The following MFGE8 variants were observed in gnomAD, a reference collection of about 807,000 sequenced individuals.
The protein encoded by MFGE8 is milk fat globule EGF and factor V/VIII domain containing.
A neutral mutation model predicts 42.6 loss-of-function variants in MFGE8; 34 were observed. That is an observed-to-expected ratio of 0.80 (90% CI 0.61 to 1.06). MFGE8 has a LOEUF of 1.06. Ranked by LOEUF, MFGE8 falls within the 50% of genes least tolerant of loss-of-function variation. The pLI is 0.00. For missense variants in MFGE8, 510 were observed against 516.9 expected (o/e 0.99, Z 0.13); for synonymous variants, 230 against 214.8 (o/e 1.07, Z -0.62).
At chr15:88,912,795 C>G in intron 1 of MFGE8, 1 of 985,416 alleles carries the variant, frequency 1.0e-6, no homozygotes. Context: ...GCGCAAAAAT[C>G]CAATGAACTG....
chr15:88,899,842 C>T lies in MFGE8; in HGVS notation c.871-31G>A, dbSNP rs1192747894. On this transcript the variant is annotated intron_variant, in intron 6 of 7. Coordinates refer to ENST00000268150, the MANE Select transcript of MFGE8 (RefSeq NM_005928.4). The surrounding 1 kb of genome is among the most constrained non-coding windows in gnomAD (Gnocchi z 6.8). ...GAAGAAACCAACCACATTTTCTCTG[C>T]TTGGACCATCTCCAGTAAGGTGAAA... The T allele has an allele frequency of 6.2e-7, 1 of 1,613,516 alleles. No homozygotes were observed. Among genetic ancestry groups the T allele is most frequent in the Non-Finnish European group, 8.5e-7 (1 of 1,179,590 alleles).
At chr15:88,910,916 TAAAAAAC>T (rs1898927106) in intron 1 of MFGE8, 2 of 151,812 alleles carry the variant, frequency 1.3e-5, no homozygotes, top group African/African-American at 2.4e-5. Flanking sequence ...AAAAATAAAA[TAAAAAAC>T]AAGAAACAAG....
Position 88,903,006 on chromosome 15 carries a change from A to AT in MFGE8, c.686-1272_686-1271insA, listed in dbSNP as rs1898503873. ...TGTGTTGACAATGCCTGCTGATGGT[A>AT]CCATCATCTCCTGATGGTGATGCAC... On this transcript the variant is annotated intron_variant, in intron 5 of 7. Coordinates refer to ENST00000268150, the MANE Select transcript of MFGE8 (RefSeq NM_005928.4). The surrounding 1 kb of genome is among the most constrained non-coding windows in gnomAD (Gnocchi z 4.9). The AT allele has an allele frequency of 6.6e-6, 1 of 152,216 alleles. No homozygotes were observed. Among genetic ancestry groups the AT allele is most frequent in the Non-Finnish European group, 1.5e-5 (1 of 68,064 alleles). 9.4% of individuals were successfully genotyped at this position (152,216 alleles called of 1,614,324 possible). A position where few individuals can be genotyped will look rare whatever the true frequency, so the allele number is the denominator to read the frequency against.
At position 88,909,928 on chromosome 15, in the gene MFGE8, G is replaced by T; in HGVS notation, c.74-5C>A. On this transcript the variant is annotated splice_region_variant and splice_polypyrimidine_tract_variant and intron_variant, in intron 1 of 7. Coordinates refer to ENST00000268150, the MANE Select transcript of MFGE8 (RefSeq NM_005928.4). ...AGGGGTTTTTGGAACAGATATCTGG[G>T]GACAGAGACAGGTAAGATGAGCAGA... The T allele has an allele frequency of 2.5e-6, 4 of 1,613,980 alleles. No individual in the cohort carries two copies. Among genetic ancestry groups the T allele is most frequent in the Non-Finnish European group, 3.4e-6 (4 of 1,179,936 alleles).
At chr15:88,910,536 A>ATTTTTT in intron 1 of MFGE8, 1 of 168,844 alleles carries the variant, frequency 5.9e-6, no homozygotes, top group Admixed American at 5.6e-5. Flanking sequence ...AGCCAAGGGG[A>ATTTTTT]AAGAGGCCAG....
rs772188553 is a variant in MFGE8, at chr15:88,901,576, C to T, written c.845G>A (p.Ser282Asn). Residue 282 changes from serine to asparagine, a missense_variant, in exon 6 of 8, where the codon AGC becomes AAC. By Grantham distance (46) the Ser-to-Asn change is conservative (BLOSUM62 1). Transcript: ENST00000268150. ...QGNFNAWVAG[S>N]YGNDQWLQVD... ...CTGCAGCCACTGATCGTTACCGTAG[C>T]TCCCCGCAACCCAGGCGTTGAAGTT... The T allele has an allele frequency of 1.9e-6, 3 of 1,595,550 alleles. No homozygotes were observed. The highest frequency in any genetic ancestry group is 2.7e-5 in the African/African-American group (2 of 74,306).
chr15:88,912,953 G>C (rs1291276773), intron 1 of MFGE8: 2 of 985,334 alleles, frequency 2.0e-6, no homozygotes, highest in African/African-American at 3.5e-5. Flanking sequence ...AGGGAAAAGA[G>C]AGGCCCGACA....
At chr15:88,900,188 G>A (rs1310208857) in intron 6 of MFGE8, among the ~76,000 whole-genome samples, 1 of 150,978 alleles carries the variant, frequency 6.6e-6, no homozygotes, top group Non-Finnish European at 1.5e-5. Flanking sequence ...GTTGCGGTGA[G>A]CCGAGATGGC....
At chr15:88,909,660 A>T in intron 2 of MFGE8, 132 bp downstream of exon 2, 3 of 1,295,268 alleles carry the variant, frequency 2.3e-6, no homozygotes, top group Non-Finnish European at 3.3e-6. Context: ...GTCTCCCCAG[A>T]GGAGGCCTTG....
In MFGE8 at chr15:88,909,926, G is replaced by T. The variant is rs764767929; in HGVS notation, c.74-3C>A. 3.7e-6 allele frequency: 6 copies of T among 1,613,966 alleles called. No individual in the cohort carries two copies. Among genetic ancestry groups the T allele is most frequent in the Non-Finnish European group, 4.2e-6 (5 of 1,179,916 alleles). On this transcript the variant is annotated splice_region_variant and splice_polypyrimidine_tract_variant and intron_variant, in intron 1 of 7. Transcript: ENST00000268150. ...GCAGGGGTTTTTGGAACAGATATCT[G>T]GGGACAGAGACAGGTAAGATGAGCA...
Position 88,901,716 on chromosome 15 carries a change from G to GC in MFGE8, c.704dup (p.Leu236ProfsTer4), listed in dbSNP as rs749595727. 3 of 1,613,916 alleles carry GC rather than the reference G, an allele frequency of 1.9e-6. No individual in the cohort carries two copies. The South Asian group carries it at 3.3e-5, about 18-fold the overall frequency. On this transcript the variant is annotated frameshift_variant, in exon 6 of 8. Transcript: ENST00000268150. LOFTEE classifies it high-confidence loss of function. ...TGTCAGGGATGCTGTTATTCTTCAGGCCCAGGGGATTGGCGCATCCTGCCA... is the reference window on the plus strand; with the variant it reads ...TGTCAGGGATGCTGTTATTCTTCAGGCCCCAGGGGATTGGCGCATCCTGCCA...
chr15:88,913,182 C>A, intron 1 of MFGE8, 65 bp downstream of exon 1: 1 of 1,472,328 alleles, frequency 6.8e-7, no homozygotes, highest in Non-Finnish European at 8.9e-7. Flanking sequence ...GGGCGGGCGC[C>A]GGGCAAACTT....
At chr15:88,912,526 C>A (rs552767766) in intron 1 of MFGE8, 14 of 985,272 alleles carry the variant, frequency 1.4e-5, no homozygotes, top group Middle Eastern at 5.2e-4. Context: ...GTGAATGGCA[C>A]GGGGCATCCG....
rs1455164963 is a variant in MFGE8 at position 88,899,469 on chromosome 15, C to G, written c.1090G>C (p.Ala364Pro). The change falls in exon 8 of 8, where the codon GCT becomes CCT. Residue 364 changes from alanine (A) to proline (P), a missense_variant. Coordinates refer to ENST00000268150, the MANE Select transcript of MFGE8 (RefSeq NM_005928.4). This position sits in a 1 kb window ranked among gnomAD's most constrained non-coding sequence, Gnocchi z 6.8. ...KKNLFETPILARYVRILPVAW... is the reference protein window; with the variant it reads ...KKNLFETPILPRYVRILPVAW... Reference sequence around the variant, plus strand: ...ACAGGCAGGATGCGCACATAGCGAGCCAGGATGGGCGTCTCAAACAAGTTC... The same window carrying G: ...ACAGGCAGGATGCGCACATAGCGAGGCAGGATGGGCGTCTCAAACAAGTTC... 1 of 1,614,214 alleles carries G rather than the reference C, an allele frequency of 6.2e-7. No individual in the cohort carries two copies. The highest frequency in any genetic ancestry group is 8.5e-7 in the Non-Finnish European group (1 of 1,180,030).
chr15:88,907,715 C>CA (rs1388082608), intron 2 of MFGE8, among the ~76,000 whole-genome samples: 1 of 147,266 alleles, frequency 6.8e-6, no homozygotes, highest in African/African-American at 2.4e-5. Flanking sequence ...GTCCCCCCCG[C>CA]CAGGCTGTGG....
chr15:88,905,633 G>A lies in MFGE8; in HGVS notation c.685+124C>T. 7.4e-7 allele frequency: 1 copy of A among 1,358,354 alleles called. No homozygotes were observed. 84.1% of individuals were successfully genotyped at this position (1,358,354 alleles called of 1,614,324 possible). On this transcript the variant is annotated intron_variant, in intron 5 of 7. Transcript: ENST00000268150. This position sits in a 1 kb window ranked among gnomAD's most constrained non-coding sequence, Gnocchi z 6.6. The stretch of plus-strand genomic sequence containing the variant: ...CCCTAGAGTGCGTTGCCCGAGTGAA[G>A]CCTGGTCCCCGTGCCTTGTTGCTGC...
chr15:88,905,766 C>T lies in MFGE8; in HGVS notation c.676G>A (p.Glu226Lys). 1 of 1,614,162 alleles carries T rather than the reference C, an allele frequency of 6.2e-7. No individual in the cohort carries two copies. The highest frequency in any genetic ancestry group is 8.5e-7 in the Non-Finnish European group (1 of 1,180,038). Residue 226 changes from glutamate (E) to lysine (K), a missense_variant, in exon 5 of 8, where the codon GAG (glutamate) becomes AAG (lysine). By Grantham distance (56) the Glu-to-Lys change is moderately conservative. Coordinates refer to ENST00000268150, the MANE Select transcript of MFGE8 (RefSeq NM_005928.4). This position sits in a 1 kb window ranked among gnomAD's most constrained non-coding sequence, Gnocchi z 6.6. ...CACCCCCAGCACTCACCGTTCAGCT[C>T]ACAGCCCAGTAGCTCAAAGCGCAGA... ...CTLRFELLGCELNGCANPLGL... is the reference protein window; with the variant it reads ...CTLRFELLGCKLNGCANPLGL...
chr15:88,906,675 A>C lies in MFGE8; in HGVS notation c.491T>G (p.Leu164Arg), dbSNP rs773211249. The C allele has an allele frequency of 1.4e-5, 22 of 1,613,952 alleles. No individual in the cohort carries two copies. The highest frequency in any genetic ancestry group is 1.8e-5 in the Non-Finnish European group (21 of 1,180,002). ...GATGAAATCGAATTCGTGTCCATTA[A>C]GGCTGTAGGCCACCTTGAAGGCCTT... is the stretch of plus-strand genomic sequence containing the variant. ...YLKAFKVAYS[L>R]NGHEFDFIHD... The change falls in exon 4 of 8, where the codon CTT becomes CGT. Residue 164 changes from leucine (L) to arginine (R), a missense_variant. Transcript: ENST00000268150. The surrounding 1 kb of genome is among the most constrained non-coding windows in gnomAD (Gnocchi z 4.2).
chr15:88,905,993 G>A lies in MFGE8; in HGVS notation c.541-92C>T. On this transcript the variant is annotated intron_variant, in intron 4 of 7. Transcript: ENST00000268150. This position sits in a 1 kb window ranked among gnomAD's most constrained non-coding sequence, Gnocchi z 6.6. ...TCATCTTCCTCTTCAGACCTGGGAG[G>A]CAGAGGTGGGGCTGGGAGGGTGAAG... 1.3e-6 allele frequency: 2 copies of A among 1,495,774 alleles called. No individual in the cohort carries two copies. Among genetic ancestry groups the A allele is most frequent in the East Asian group, 2.3e-5 (1 of 44,098 alleles). The allele number at this position is 1,495,774 out of a possible 1,614,324, so 92.7% of individuals were successfully genotyped here. A position where few individuals can be genotyped will look rare whatever the true frequency, so the allele number is the denominator to read the frequency against.
Sources: gnomAD v4.1 joint callset for allele counts (sites outside exome capture counted in the v4.1 genomes callset) on GRCh38, gnomAD v4.1.1 for gene constraint, Gnocchi (gnomAD v3.1) non-coding constraint, MANE v1.5 for transcripts, NCBI Gene and HGNC (gene_info 2026-07-23, HGNC 2026-07-21) for gene names.